MAGI2: variants seen among roughly 807,000 people sequenced by gnomAD.
MAGI2 encodes the protein membrane-associated guanylate kinase, WW and PDZ domain-containing protein 2.
In MAGI2, 35 loss-of-function variants were observed where a neutral mutation model predicts 133.3. The observed-to-expected ratio is 0.26, with a 90% CI of 0.20 to 0.35. The LOEUF (loss-of-function observed/expected upper bound fraction) is 0.35. Among genes scored for constraint, MAGI2 ranks in the 10% least tolerant of loss-of-function variants. The pLI is 1.00. For missense variants in MAGI2, 1,636 were observed against 1,863.4 expected (o/e 0.88, Z 2.25); for synonymous variants, 729 against 710.6 (o/e 1.03, Z -0.41).
At chr7:78,249,799 G>A (rs1792196624) in intron 10 of MAGI2, among the ~76,000 whole-genome samples, 1 of 152,006 alleles carries the variant, frequency 6.6e-6, no homozygotes. Context: ...ACATTAGGTT[G>A]ACTATAGTTA....
intron 10 of MAGI2, among the ~76,000 whole-genome samples, chr7:78,209,409 G>A (rs567500334): frequency 2.0e-5 from 3 of 149,894 alleles, no homozygotes; most frequent in African/African-American, 7.3e-5. Context: ...CTACAGGCGT[G>A]CACCATCACG....
At chr7:79,192,009 GA>G (rs1827715691) in intron 1 of MAGI2, among the ~76,000 whole-genome samples, 1 of 151,642 alleles carries the variant, frequency 6.6e-6, no homozygotes. Context: ...ATGGCTAGTT[GA>G]ATTTATTGAT....
intron 10 of MAGI2, chr7:78,255,517 G>GC (rs1486102795): frequency 6.1e-6 from 2 of 328,060 alleles, no homozygotes; most frequent in African/African-American, 4.5e-5. Flanking sequence ...GGTTGAACTG[G>GC]CTTCCACCTG....
intron 3 of MAGI2, among the ~76,000 whole-genome samples, chr7:78,535,410 C>T (rs545851451): frequency 3.3e-5 from 5 of 152,272 alleles, no homozygotes; most frequent in Non-Finnish European, 7.4e-5. Context: ...AGATGTCAGG[C>T]TGCAGGGTGT....
intron 1 of MAGI2, among the ~76,000 whole-genome samples, chr7:79,087,423 AGT>A (rs977619571): frequency 6.6e-6 from 1 of 151,982 alleles, no homozygotes; most frequent in Non-Finnish European, 1.5e-5. Flanking sequence ...ACATAGATTC[AGT>A]GTTATACATT....
chr7:78,799,172 T>C (rs995419500), intron 2 of MAGI2, among the ~76,000 whole-genome samples: 2 of 152,176 alleles, frequency 1.3e-5, no homozygotes, highest in African/African-American at 4.8e-5. Flanking sequence ...GTGCCTGATA[T>C]ACTACAGTTT....
At chr7:78,650,509 G>A (rs547756067) in intron 2 of MAGI2, among the ~76,000 whole-genome samples, 18 of 152,232 alleles carry the variant, frequency 1.2e-4, no homozygotes, top group African/African-American at 4.3e-4. Flanking sequence ...GGAGAAACAG[G>A]CTTTCAAAAG....
Position 78,159,858 on chromosome 7 carries a change from T to C in MAGI2, c.2845+167A>G, listed in dbSNP as rs552137656. ...TTCTTGAGCCAGAGGTCAGTAACTG[T>C]CTGCTAGTCAGTGGTATGGATGCCT... On this transcript the variant is annotated intron_variant, in intron 16 of 21. Transcript: ENST00000354212. 8.1e-5 allele frequency: 61 copies of C among 755,586 alleles called. No individual in the cohort carries two copies. The South Asian group carries it at 2.0e-3, about 24-fold the overall frequency. 46.8% of individuals were successfully genotyped at this position (755,586 alleles called of 1,614,324 possible).
At chr7:78,419,705 G>A (rs930952417) in intron 6 of MAGI2, among the ~76,000 whole-genome samples, 3 of 151,396 alleles carry the variant, frequency 2.0e-5, no homozygotes, top group Admixed American at 2.0e-4. Flanking sequence ...AAAACTGGCA[G>A]CCTTGGGATC....
intron 9 of MAGI2, among the ~76,000 whole-genome samples, chr7:78,286,884 A>C (rs1796195440): frequency 6.6e-6 from 1 of 152,200 alleles, no homozygotes; most frequent in South Asian, 2.1e-4. Context: ...TGTTGATATC[A>C]GAGCTTGTGG....
chr7:78,390,122 C>T (rs1795761945), intron 6 of MAGI2, among the ~76,000 whole-genome samples: 1 of 152,194 alleles, frequency 6.6e-6, no homozygotes, highest in South Asian at 2.1e-4. Context: ...TGGACAGAAT[C>T]TCTCATTACT....
rs1448650776 is a variant in MAGI2, at chr7:78,019,849, G to C, written c.3834C>G (p.His1278Gln). ...SHPAPPSDPS[H>Q]QISPGPTWDI... Reference sequence around the variant, plus strand: ...CCCAAGTTGGGCCTGGGCTTATCTGGTGGGAAGGGTCGGAGGGTGGGGCTG... The same window carrying C: ...CCCAAGTTGGGCCTGGGCTTATCTGCTGGGAAGGGTCGGAGGGTGGGGCTG... The change falls in exon 22 of 22, where the codon CAC becomes CAG. Residue 1278 changes from histidine to glutamine, a missense_variant. His to Gln is a conservative substitution (Grantham distance 24). Around this residue, in one of 5 missense-constraint regions of MAGI2, gnomAD observed 354 missense variants for 298.7 expected, o/e 1.19. Transcript: ENST00000354212. 6.2e-7 allele frequency: 1 copy of C among 1,613,628 alleles called. No homozygotes were observed. Among genetic ancestry groups the C allele is most frequent in the Non-Finnish European group, 8.5e-7 (1 of 1,179,918 alleles).
At chr7:78,307,867 G>A (rs1451315393) in intron 9 of MAGI2, among the ~76,000 whole-genome samples, 2 of 152,180 alleles carry the variant, frequency 1.3e-5, no homozygotes, top group Non-Finnish European at 2.9e-5. Flanking sequence ...GAGCAAAGAT[G>A]AGAGGAGTCT....
At chr7:78,636,293 T>C (rs1332198986) in intron 2 of MAGI2, among the ~76,000 whole-genome samples, 1 of 152,156 alleles carries the variant, frequency 6.6e-6, no homozygotes, top group Non-Finnish European at 1.5e-5. Flanking sequence ...TGTTGTCAAT[T>C]TTTGTTTAAA....
chr7:78,453,941 C>T (rs569582788), intron 6 of MAGI2, among the ~76,000 whole-genome samples: 1 of 152,172 alleles, frequency 6.6e-6, no homozygotes, highest in Admixed American at 6.5e-5. Context: ...TTTGGGGATA[C>T]ATGTGATATT....
intron 3 of MAGI2, chr7:78,618,073 C>A (rs1220806749): frequency 6.6e-6 from 1 of 151,958 alleles, no homozygotes; most frequent in African/African-American, 2.4e-5. Context: ...ATGCATAGAA[C>A]AAATCTCTGA....
chr7:79,348,909 AC>A (rs1403816484), intron 1 of MAGI2, among the ~76,000 whole-genome samples: 1 of 151,978 alleles, frequency 6.6e-6, no homozygotes, highest in Non-Finnish European at 1.5e-5. Context: ...GAGGAAGCCA[AC>A]CTATTTAAGA....
At chr7:79,274,578 T>C (rs1239014441) in intron 1 of MAGI2, among the ~76,000 whole-genome samples, 1 of 90,530 alleles carries the variant, frequency 1.1e-5, no homozygotes, top group Non-Finnish European at 3.0e-5. Flanking sequence ...ATATATTATA[T>C]TATATATTTT....
chr7:79,374,891 T>C lies in MAGI2; in HGVS notation c.301+78129A>G, dbSNP rs142629011. ...TTCTCATCTGCCTTTCTGGTACTCA[T>C]GGGCATCACTACTGACTTTGATTGC... On this transcript the variant is annotated intron_variant, in intron 1 of 21. Transcript: ENST00000354212. 2.9e-3 allele frequency among the ~76,000 whole-genome samples: 439 copies of C among 152,014 alleles called. 4 individuals carry two copies. The highest frequency in any genetic ancestry group is 9.7e-3 in the African/African-American group (403 of 41,508).
Sources: allele counts gnomAD v4.1 joint callset (sites outside exome capture counted in the v4.1 genomes callset), GRCh38; gene constraint gnomAD v4.1.1; regional missense constraint gnomAD v4.1.1; transcripts MANE v1.5; gene names NCBI Gene and HGNC (gene_info 2026-07-23, HGNC 2026-07-21).